Variants in COL6A2 observed in about 807,000 individuals in gnomAD.
COL6A2 encodes collagen type VI alpha 2 chain.
A neutral mutation model predicts 124.9 loss-of-function variants in COL6A2; 90 were observed. The ratio of observed to expected loss-of-function variants is 0.72; its 90% CI spans 0.61 to 0.86. The LOEUF (loss-of-function observed/expected upper bound fraction) is 0.86. COL6A2 is among the 40% of genes least tolerant of loss of function. The pLI is 0.00. For synonymous variants in COL6A2, 793 were observed against 618.2 expected (o/e 1.28, Z -4.19); for missense variants, 1,607 against 1,502.5 (o/e 1.07, Z -1.15).
Position 46,121,641 on chromosome 21 carries a change from G to A in COL6A2, c.1521+23G>A, listed in dbSNP as rs1178377404. ...AAGGTACGTGCCCCTCCCCCAGCAG[G>A]ACGTATTAGGGGTTCGGGGCAGCTG... is the stretch of plus-strand genomic sequence containing the variant. On this transcript the variant is annotated intron_variant, in intron 18 of 27. Transcript: ENST00000300527. The A allele has an allele frequency of 8.7e-6, 14 of 1,611,760 alleles. No homozygotes were observed. In the East Asian group the frequency reaches 8.9e-5, roughly 10 times the overall value.
rs1215981783 is a variant in COL6A2, at chr21:46,132,768, C to CTG, written c.*217_*218dup. The CTG allele has an allele frequency of 3.4e-6, 2 of 595,932 alleles. No homozygotes were observed. Among genetic ancestry groups the CTG allele is most frequent in the Non-Finnish European group, 6.0e-6 (2 of 335,208 alleles). The allele number at this position is 595,932 out of a possible 1,614,324, so 36.9% of individuals were successfully genotyped here. On this transcript the variant is annotated 3_prime_UTR_variant, in exon 28 of 28. Transcript: ENST00000300527. ...CGCAGGCTGCCCGGCCTCCCTCCCC[C>CTG]TGCAGCCATCCCAAGGCTCCTGACC...
chr21:46,102,023 C>A (rs2078293696), intron 1 of COL6A2, among the ~76,000 whole-genome samples: 1 of 150,714 alleles, frequency 6.6e-6, no homozygotes, highest in African/African-American at 2.4e-5. Context: ...TATAGTAAGT[C>A]TTCCAATCTA....
chr21:46,123,472 T>C (rs2078599344), intron 21 of COL6A2, among the ~76,000 whole-genome samples: 1 of 152,038 alleles, frequency 6.6e-6, no homozygotes, highest in South Asian at 2.1e-4. Flanking sequence ...CAGGTTGGTC[T>C]GGAACTGAGC....
intron 1 of COL6A2, chr21:46,098,884 G>C (rs1340369859): frequency 6.6e-6 from 1 of 152,284 alleles, no homozygotes; most frequent in Non-Finnish European, 1.5e-5. Context: ...ACTCCGCCGG[G>C]GCGCTGGTGG....
chr21:46,124,541 C>CTT lies in COL6A2; in HGVS notation c.1672-110_1672-109insTT. 1.4e-5 allele frequency: 13 copies of CTT among 923,838 alleles called. No homozygotes were observed. In the South Asian group the frequency reaches 1.6e-4, roughly 11 times the overall value. 57.2% of individuals were successfully genotyped at this position (923,838 alleles called of 1,614,324 possible). On this transcript the variant is annotated intron_variant, in intron 21 of 27. Coordinates refer to ENST00000300527, the MANE Select transcript of COL6A2 (RefSeq NM_001849.4). ...TCTTACTCCTTGCACCTGTTAGCCC[C>CTT]CCCCCCCGCCAAGGGAGGACCCGTG...
At chr21:46,131,525 T>C (rs191780883) in intron 27 of COL6A2, among the ~76,000 whole-genome samples, 2 of 152,294 alleles carry the variant, frequency 1.3e-5, no homozygotes, top group Admixed American at 1.3e-4. Context: ...GACCCAGCGA[T>C]TGAGGGGTCA....
At chr21:46,098,207 C>T (rs1601196604) in intron 1 of COL6A2, 34 bp downstream of exon 1, 2 of 152,084 alleles carry the variant, frequency 1.3e-5, no homozygotes, top group African/African-American at 4.8e-5. Context: ...CCCTGGAAGC[C>T]GCTCGGCCCG....
At chr21:46,121,146 G>A (rs200083139) in intron 17 of COL6A2, 23 bp downstream of exon 17, 20 of 1,611,258 alleles carry the variant, frequency 1.2e-5, no homozygotes, top group South Asian at 4.4e-5. Context: ...GCAGGAGGCC[G>A]GTGCCCTCTG....
At position 46,112,333 on chromosome 21, in the gene COL6A2, C is replaced by T. The variant is rs780050571; in HGVS notation, c.470C>T (p.Ala157Val). The change falls in exon 3 of 28, where the codon GCC becomes GTC. Residue 157 changes from alanine (A) to valine (V), a missense_variant. Ala to Val is a moderately conservative substitution (Grantham distance 64). This residue lies in a region of COL6A2 where 342 missense variants were observed against 381.5 expected (regional missense o/e 0.90). Coordinates refer to ENST00000300527, the MANE Select transcript of COL6A2 (RefSeq NM_001849.4). ...QDRSKGTVHF[A>V]VVITDGHVTG... ...CGCAGCAAGGGCACCGTCCACTTCG[C>T]CGTGGTCATCACCGACGGCCACGTC... is the stretch of plus-strand genomic sequence containing the variant. The T allele has an allele frequency of 1.9e-6, 3 of 1,611,078 alleles. No individual in the cohort carries two copies. In the East Asian group the frequency reaches 6.7e-5, roughly 36 times the overall value.
At chr21:46,103,014 G>A (rs2078303535) in intron 1 of COL6A2, among the ~76,000 whole-genome samples, 1 of 152,086 alleles carries the variant, frequency 6.6e-6, no homozygotes, top group Non-Finnish European at 1.5e-5. Context: ...TTCTTTATGT[G>A]TTTGGTAGAA....
intron 27 of COL6A2, chr21:46,129,207 C>T (rs891228314): frequency 2.5e-6 from 4 of 1,612,790 alleles, no homozygotes; most frequent in Middle Eastern, 3.3e-4. Context: ...TGCACCGTGG[C>T]CTGGCGGCGA....
intron 5 of COL6A2, 22 bp from the exon 6 acceptor site, chr21:46,115,850 G>A: frequency 6.2e-7 from 1 of 1,612,316 alleles, no homozygotes; most frequent in South Asian, 1.1e-5. Context: ...CTGCCTCGAT[G>A]TACTCTTTTC....
chr21:46,111,334 A>T, intron 1 of COL6A2, 116 bp from the exon 2 acceptor site: 1 of 636,868 alleles, frequency 1.6e-6, no homozygotes, highest in Non-Finnish European at 2.8e-6. Context: ...CGCTTCCTTG[A>T]AGACTGAGGG....
At chr21:46,118,891 G>A (rs2078517614) in intron 13 of COL6A2, 139 bp from the exon 14 acceptor site, 2 of 932,446 alleles carry the variant, frequency 2.1e-6, no homozygotes, top group East Asian at 2.6e-5. Context: ...AGTTCCAGGG[G>A]ACCCTGCAGG....
rs201007156 is a variant in COL6A2 at position 46,119,853 on chromosome 21, G to A, written c.1332+3G>A. 1.9e-5 allele frequency: 29 copies of A among 1,557,252 alleles called. No individual in the cohort carries two copies. In the African/African-American group the frequency reaches 3.2e-4, roughly 17 times the overall value. ...GCGATGGCCCCAAGGGGGAGAAGGT[G>A]AGTCCTCGTGTGGAGGCAGCCCAGG... On this transcript the variant is annotated splice_donor_region_variant and intron_variant, in intron 15 of 27. Coordinates refer to ENST00000300527, the MANE Select transcript of COL6A2 (RefSeq NM_001849.4).
chr21:46,131,765 G>A (rs752238943), intron 27 of COL6A2, among the ~76,000 whole-genome samples, 189 bp from the exon 28 acceptor site: 11 of 152,198 alleles, frequency 7.2e-5, no homozygotes, highest in African/African-American at 2.7e-4. Flanking sequence ...GCTCCCAGCA[G>A]TGCCGCCTGA....
In COL6A2 at chr21:46,132,304, A is replaced by G; in HGVS notation, c.2812A>G (p.Arg938Gly). 6.2e-7 allele frequency: 1 copy of G among 1,606,112 alleles called. No homozygotes were observed. Among genetic ancestry groups the G allele is most frequent in the Non-Finnish European group, 8.5e-7 (1 of 1,179,356 alleles). Residue 938 changes from arginine to glycine, a missense_variant, in exon 28 of 28, where the codon AGG becomes GGG. Physicochemically the swap from Arg to Gly is moderately radical, Grantham distance 125. Around this residue, in one of 3 missense-constraint regions of COL6A2, gnomAD observed 1,223 missense variants for 1,052.2 expected, o/e 1.16. Coordinates refer to ENST00000300527, the MANE Select transcript of COL6A2 (RefSeq NM_001849.4). Reference protein sequence around the residue: ...IVRSPRGGARRHAELSFVFLT... With the variant: ...IVRSPRGGARGHAELSFVFLT... ...GCGCAGCCCGCGTGGCGGGGCCCGG[A>G]GGCACGCAGAGCTGTCCTTCGTGTT...
intron 27 of COL6A2, among the ~76,000 whole-genome samples, chr21:46,131,205 T>C (rs1171512719): frequency 6.6e-6 from 1 of 152,218 alleles, no homozygotes; most frequent in African/African-American, 2.4e-5. Flanking sequence ...GCAAGGACTG[T>C]CCGTGTCCTG....
At chr21:46,126,267 G>C in intron 26 of COL6A2, 30 bp downstream of exon 26, 1 of 1,595,116 alleles carries the variant, frequency 6.3e-7, no homozygotes, top group Non-Finnish European at 8.5e-7. Flanking sequence ...GCAGTCGGCC[G>C]AGGAGCAGCA....
Sources: gnomAD v4.1 joint callset for allele counts (sites outside exome capture counted in the v4.1 genomes callset) on GRCh38, gnomAD v4.1.1 for gene constraint, gnomAD v4.1.1 regional missense constraint, MANE v1.5 for transcripts, NCBI Gene and HGNC (gene_info 2026-07-23, HGNC 2026-07-21) for gene names.